ASAP2: variants seen among roughly 807,000 people sequenced by gnomAD.
ASAP2 encodes the protein arf-GAP with SH3 domain, ANK repeat and PH domain-containing protein 2.
A neutral mutation model predicts 131.4 loss-of-function variants in ASAP2; 45 were observed. The observed-to-expected ratio is 0.34, with a 90% confidence interval of 0.27 to 0.44. The LOEUF (loss-of-function observed/expected upper bound fraction) is 0.44, where lower values mean the gene tolerates loss of function less well. Among genes scored for constraint, ASAP2 ranks in the 20% least tolerant of loss-of-function variants. ASAP2 has a pLI of 1.00. For synonymous variants in ASAP2, 510 were observed against 503.0 expected (o/e 1.01, Z -0.19); for missense variants, 1,011 against 1,297.0 (o/e 0.78, Z 3.39).
At chr2:9,375,725 C>T (rs559570813) in intron 17 of ASAP2, among the ~76,000 whole-genome samples, 1 of 152,332 alleles carries the variant, frequency 6.6e-6, no homozygotes. Context: ...AAACCCATCT[C>T]CAGGTGGAGG....
intron 6 of ASAP2, among the ~76,000 whole-genome samples, chr2:9,325,020 A>T (rs1456812929): frequency 6.6e-6 from 1 of 151,778 alleles, no homozygotes; most frequent in Non-Finnish European, 1.5e-5. Flanking sequence ...CTTGTTTTTC[A>T]TTGAGAGAAT....
intron 12 of ASAP2, among the ~76,000 whole-genome samples, chr2:9,351,523 G>A (rs945138532): frequency 1.3e-5 from 2 of 152,270 alleles, no homozygotes; most frequent in Non-Finnish European, 2.9e-5. Flanking sequence ...GTAGTTCTGT[G>A]TGGCAGGGTT....
intron 1 of ASAP2, among the ~76,000 whole-genome samples, chr2:9,231,980 C>G (rs548467491): frequency 1.3e-5 from 2 of 152,354 alleles, no homozygotes; most frequent in East Asian, 3.9e-4. Context: ...GCTTCCATCT[C>G]TCTTGATCTG....
Position 9,401,386 on chromosome 2 carries a change from A to G in ASAP2, c.2936A>G (p.Gln979Arg), listed in dbSNP as rs1308275653. The change falls in exon 27 of 28, where the codon CAG (glutamine) becomes CGG (arginine). Residue 979 changes from glutamine (Q) to arginine (R), a missense_variant. Physicochemically the swap from Gln to Arg is conservative, Grantham distance 43. Coordinates refer to ENST00000281419, the MANE Select transcript of ASAP2 (RefSeq NM_003887.3). ...ATCATCGTGGACGGGGAGGAGGACC[A>G]GGAGTGGTGGGTGAGTCAAGGGTGG... ...DVIIVDGEED[Q>R]EWWIGHIDGD... 6.2e-7 allele frequency: 1 copy of G among 1,613,394 alleles called. No homozygotes were observed. Among genetic ancestry groups the G allele is most frequent in the East Asian group, 2.2e-5 (1 of 44,858 alleles).
At chr2:9,215,060 C>G (rs188577384) in intron 1 of ASAP2, among the ~76,000 whole-genome samples, 1 of 152,170 alleles carries the variant, frequency 6.6e-6, no homozygotes, top group South Asian at 2.1e-4. Flanking sequence ...AGTGCACTTA[C>G]ACACACCCAG....
chr2:9,405,070 TA>T lies in ASAP2; in HGVS notation c.*1745del, dbSNP rs1406729986. 3 of 152,508 alleles carry T rather than the reference TA, an allele frequency of 2.0e-5. No homozygotes were observed. The highest frequency in any genetic ancestry group is 7.2e-5 in the African/African-American group (3 of 41,432). 9.4% of individuals were successfully genotyped at this position (152,508 alleles called of 1,614,324 possible). A position where few individuals can be genotyped will look rare whatever the true frequency, so the allele number is the denominator to read the frequency against. On this transcript the variant is annotated 3_prime_UTR_variant, in exon 28 of 28. Transcript: ENST00000281419. ...TTTTGACCACCTGGTGCCAGCTATATAAGGAATAAAGTTGATTCATATCAAC... is the reference window on the plus strand; with the variant it reads ...TTTTGACCACCTGGTGCCAGCTATATAGGAATAAAGTTGATTCATATCAAC...
At chr2:9,400,301 CCCA>C (rs1558406082) in intron 25 of ASAP2, among the ~76,000 whole-genome samples, 2 of 94,064 alleles carry the variant, frequency 2.1e-5, no homozygotes, top group East Asian at 2.8e-4. Context: ...TCCTTCCTCC[CCCA>C]CTCCTGCCTT....
intron 20 of ASAP2, among the ~76,000 whole-genome samples, chr2:9,382,829 G>A (rs1215984471): frequency 2.6e-5 from 4 of 152,196 alleles, no homozygotes; most frequent in Admixed American, 6.5e-5. Flanking sequence ...AATTGTAGTC[G>A]CCTGACAGGT....
rs936820126 is a variant in ASAP2 at position 9,262,258 on chromosome 2, C to G, written c.127-17059C>G. On this transcript the variant is annotated intron_variant, in intron 1 of 27. Transcript: ENST00000281419. ...TGTTCTTAGAGATTTTTTTCTCATT[C>G]TAAACATTATCAGACCTGAAAAGTA... is the stretch of plus-strand genomic sequence containing the variant. 2.0e-5 allele frequency among the ~76,000 whole-genome samples: 3 copies of G among 152,172 alleles called. No homozygotes were observed. In the South Asian group the frequency reaches 6.2e-4, roughly 32 times the overall value.
At chr2:9,356,954 A>G (rs1007655573) in intron 14 of ASAP2, among the ~76,000 whole-genome samples, 5 of 152,146 alleles carry the variant, frequency 3.3e-5, no homozygotes, top group African/African-American at 9.7e-5. Flanking sequence ...TTGAGACACA[A>G]TGGTGGGGAG....
chr2:9,376,821 G>T (rs1674435196), intron 17 of ASAP2, 87 bp from the exon 18 acceptor site: 2 of 1,198,248 alleles, frequency 1.7e-6, no homozygotes, highest in African/African-American at 3.1e-5. Context: ...AAGACTTTTG[G>T]AAGAGTTGTA....
chr2:9,334,886 C>CTGTG (rs1671095258), intron 8 of ASAP2, 73 bp downstream of exon 8: 1 of 1,499,412 alleles, frequency 6.7e-7, no homozygotes, highest in African/African-American at 1.4e-5. Flanking sequence ...AATGTCACTT[C>CTGTG]TGTGTAATCC....
At chr2:9,393,128 T>C (rs1385276513) in intron 23 of ASAP2, among the ~76,000 whole-genome samples, 1 of 152,206 alleles carries the variant, frequency 6.6e-6, no homozygotes, top group African/African-American at 2.4e-5. Flanking sequence ...CAGGCCCTGC[T>C]TCCCCGGGCA....
chr2:9,308,636 G>A (rs921337766), intron 3 of ASAP2, among the ~76,000 whole-genome samples: 2 of 152,180 alleles, frequency 1.3e-5, no homozygotes, highest in Non-Finnish European at 2.9e-5. Context: ...CCTGGCAGGT[G>A]TAAACCATCT....
Position 9,206,914 on chromosome 2 carries a change from C to T in ASAP2, c.-191C>T. On this transcript the variant is annotated 5_prime_UTR_variant, in exon 1 of 28. Transcript: ENST00000281419. This position sits in a 1 kb window ranked among gnomAD's most constrained non-coding sequence, Gnocchi z 4.0. Reference sequence around the variant, plus strand: ...CGCGCAGGCGGGCGGACCGGCCGAGCTGCGCGGGGCTGCGCGCCGCCCCTG... The same window carrying T: ...CGCGCAGGCGGGCGGACCGGCCGAGTTGCGCGGGGCTGCGCGCCGCCCCTG... 1 of 282,130 alleles carries T rather than the reference C, an allele frequency of 3.5e-6. No individual in the cohort carries two copies. Among genetic ancestry groups the T allele is most frequent in the Non-Finnish European group, 5.3e-6 (1 of 190,130 alleles). The allele number at this position is 282,130 out of a possible 1,614,324, so 17.5% of individuals were successfully genotyped here. A position where few individuals can be genotyped will look rare whatever the true frequency, so the allele number is the denominator to read the frequency against.
At chr2:9,215,197 T>C (rs1355552459) in intron 1 of ASAP2, among the ~76,000 whole-genome samples, 1 of 152,204 alleles carries the variant, frequency 6.6e-6, no homozygotes. Flanking sequence ...GTGTGGTATT[T>C]GTGTATCTAA....
intron 5 of ASAP2, among the ~76,000 whole-genome samples, chr2:9,321,788 C>T (rs1670164689): frequency 6.6e-6 from 1 of 152,118 alleles, no homozygotes; most frequent in South Asian, 2.1e-4. Flanking sequence ...AATCGAGACA[C>T]ACATGGGTAG....
At chr2:9,322,386 C>G (rs572979708) in intron 5 of ASAP2, among the ~76,000 whole-genome samples, 2 of 152,328 alleles carry the variant, frequency 1.3e-5, no homozygotes, top group East Asian at 1.9e-4. Context: ...TCAGGCTCTA[C>G]AGAAAGAGCT....
chr2:9,254,486 G>A (rs533539793), intron 1 of ASAP2, among the ~76,000 whole-genome samples: 1 of 141,920 alleles, frequency 7.0e-6, no homozygotes, highest in South Asian at 2.2e-4. Flanking sequence ...CCAAGTAGCT[G>A]GGATTACAGG....
Sources: gnomAD v4.1 joint callset for allele counts (sites outside exome capture counted in the v4.1 genomes callset) on GRCh38, gnomAD v4.1.1 for gene constraint, Gnocchi (gnomAD v3.1) non-coding constraint, MANE v1.5 for transcripts, NCBI Gene and HGNC (gene_info 2026-07-23, HGNC 2026-07-21) for gene names.